The following DISP1 variants were observed in gnomAD, a reference collection of about 807,000 sequenced individuals.
The protein encoded by DISP1 is dispatched RND transporter family member 1.
DISP1 carries 30 observed loss-of-function variants against 37.3 expected under a neutral mutation model. The observed-to-expected ratio is 0.80, with a 90% confidence interval of 0.60 to 1.09. The LOEUF (loss-of-function observed/expected upper bound fraction) is 1.09, where lower values mean the gene tolerates loss of function less well. DISP1 is among the 50% of genes least tolerant of loss of function. The pLI, the probability that DISP1 is intolerant of heterozygous loss-of-function variation, is 0.00. For synonymous variants in DISP1, 634 were observed against 690.2 expected (o/e 0.92, Z 1.28); for missense variants, 1,598 against 1,879.5 (o/e 0.85, Z 2.77).
At chr1:222,869,023 T>C (rs1464985734) in intron 1 of DISP1, among the ~76,000 whole-genome samples, 1 of 152,162 alleles carries the variant, frequency 6.6e-6, no homozygotes, top group Non-Finnish European at 1.5e-5. Flanking sequence ...TTGATTTAGT[T>C]AAGACTTAAA....
At chr1:222,824,927 G>GA (rs1258382721) in intron 1 of DISP1, among the ~76,000 whole-genome samples, 1 of 152,158 alleles carries the variant, frequency 6.6e-6, no homozygotes, top group African/African-American at 2.4e-5. Context: ...GGGTAATGAT[G>GA]AATGCGTTTC....
At chr1:222,904,577 T>C (rs551781193) in intron 1 of DISP1, among the ~76,000 whole-genome samples, 1 of 151,390 alleles carries the variant, frequency 6.6e-6, no homozygotes, top group Non-Finnish European at 1.5e-5. Context: ...TTATTTTATT[T>C]TTTTTTTTGA....
intron 1 of DISP1, chr1:222,899,956 A>C (rs572005062): frequency 6.6e-6 from 1 of 152,238 alleles, no homozygotes; most frequent in East Asian, 1.9e-4. Context: ...ATTTCTAAAA[A>C]ATCATGGTTT....
At chr1:222,895,103 A>G (rs1033106891) in intron 1 of DISP1, among the ~76,000 whole-genome samples, 1 of 152,224 alleles carries the variant, frequency 6.6e-6, no homozygotes, top group Non-Finnish European at 1.5e-5. Flanking sequence ...TCTAGAGAAT[A>G]GTCTCAGTTT....
chr1:222,878,690 G>A (rs1670105709), intron 1 of DISP1, among the ~76,000 whole-genome samples: 1 of 152,054 alleles, frequency 6.6e-6, no homozygotes, highest in African/African-American at 2.4e-5. Flanking sequence ...TGAAAGATAG[G>A]CAATAACAAT....
intron 5 of DISP1, 122 bp from the exon 6 acceptor site, chr1:222,991,398 G>A: frequency 8.5e-7 from 1 of 1,181,516 alleles, no homozygotes; most frequent in Non-Finnish European, 1.3e-6. Flanking sequence ...TAGCTGTGAG[G>A]AACAGCTATA....
intron 1 of DISP1, among the ~76,000 whole-genome samples, chr1:222,815,577 T>G (rs2125099538): frequency 6.6e-6 from 1 of 152,174 alleles, no homozygotes; most frequent in South Asian, 2.1e-4. Flanking sequence ...GATGCTGAAC[T>G]CCTATTGCTT....
Position 223,005,611 on chromosome 1 carries a change from C to A in DISP1, c.4214C>A (p.Thr1405Lys). ...AGAAGCACTGGATCGTTACTCAAAA[C>A]GTGTTGCGACCCCGAGAATAAACAA... ...VCRSTGSLLK[T>K]CCDPENKQRE... The change falls in exon 9 of 9, where the codon ACG becomes AAG. Residue 1405 changes from threonine to lysine, a missense_variant. Transcript: ENST00000675850. The A allele has an allele frequency of 6.2e-7, 1 of 1,608,820 alleles. No homozygotes were observed. Among genetic ancestry groups the A allele is most frequent in the Non-Finnish European group, 8.5e-7 (1 of 1,178,256 alleles).
At chr1:222,882,854 A>T (rs1480267500) in intron 1 of DISP1, among the ~76,000 whole-genome samples, 1 of 152,176 alleles carries the variant, frequency 6.6e-6, no homozygotes, top group African/African-American at 2.4e-5. Flanking sequence ...CTTAGAAATT[A>T]ATATACACTG....
At chr1:222,952,020 A>G (rs1296507082) in intron 3 of DISP1, among the ~76,000 whole-genome samples, 2 of 152,196 alleles carry the variant, frequency 1.3e-5, no homozygotes, top group Non-Finnish European at 2.9e-5. Flanking sequence ...TTACAAATTC[A>G]TATTCCCCTC....
At chr1:222,865,833 G>A (rs1195871631) in intron 1 of DISP1, among the ~76,000 whole-genome samples, 5 of 152,078 alleles carry the variant, frequency 3.3e-5, no homozygotes, top group Non-Finnish European at 7.4e-5. Flanking sequence ...ATAACTATAA[G>A]AGGCGGGTAT....
intron 2 of DISP1, among the ~76,000 whole-genome samples, chr1:222,929,153 G>A (rs904207957): frequency 2.6e-5 from 4 of 152,060 alleles, no homozygotes. Context: ...CTTGGTACAG[G>A]CCTTCAAGCT....
chr1:222,924,030 T>C (rs2789964), intron 1 of DISP1, among the ~76,000 whole-genome samples: 40,176 of 152,076 alleles, frequency 0.26, 5,573 homozygotes, highest in South Asian at 0.47. Context: ...TAAAATTTTC[T>C]GTTGTAAAAA....
chr1:222,868,688 A>G (rs906020546), intron 1 of DISP1, among the ~76,000 whole-genome samples: 6 of 152,272 alleles, frequency 3.9e-5, no homozygotes, highest in Admixed American at 2.0e-4. Context: ...AGAAAAATAC[A>G]GATGATCTGA....
chr1:222,997,865 TG>T (rs1679183783), intron 8 of DISP1, among the ~76,000 whole-genome samples: 1 of 150,952 alleles, frequency 6.6e-6, no homozygotes, highest in Non-Finnish European at 1.5e-5. Flanking sequence ...ACTCAAGACA[TG>T]TGTCAAAATG....
At chr1:222,836,493 G>C (rs972940762) in intron 1 of DISP1, among the ~76,000 whole-genome samples, 2 of 152,088 alleles carry the variant, frequency 1.3e-5, no homozygotes, top group African/African-American at 4.8e-5. Context: ...ATAGTGAAAA[G>C]AGCACTGCAA....
chr1:222,837,076 G>A (rs529009047), intron 1 of DISP1: 5 of 398,410 alleles, frequency 1.3e-5, no homozygotes, highest in South Asian at 1.3e-4. Context: ...GGTAGATGCC[G>A]GTAGATTGGG....
At chr1:222,908,805 G>A (rs963000360) in intron 1 of DISP1, among the ~76,000 whole-genome samples, 7 of 151,524 alleles carry the variant, frequency 4.6e-5, no homozygotes, top group African/African-American at 1.7e-4. Flanking sequence ...CAGAAGCAAA[G>A]ACCATTTTTT....
intron 1 of DISP1, among the ~76,000 whole-genome samples, chr1:222,891,207 A>G (rs1670918322): frequency 6.6e-6 from 1 of 152,198 alleles, no homozygotes; most frequent in Non-Finnish European, 1.5e-5. Flanking sequence ...GCTGAAGCAT[A>G]GAAACTGAGA....
Sources: gnomAD v4.1 joint callset for allele counts (sites outside exome capture counted in the v4.1 genomes callset) on GRCh38, gnomAD v4.1.1 for gene constraint, MANE v1.5 for transcripts, NCBI Gene and HGNC (gene_info 2026-07-23, HGNC 2026-07-21) for gene names.